SLC7A7: variants seen among roughly 807,000 people sequenced by gnomAD.
The protein encoded by SLC7A7 is solute carrier family 7 member 7.
SLC7A7 carries 39 observed loss-of-function variants against 47.9 expected under a neutral mutation model. The observed-to-expected ratio is 0.81, with a 90% CI of 0.63 to 1.06. The LOEUF (loss-of-function observed/expected upper bound fraction) is 1.06, where lower values mean the gene tolerates loss of function less well. Among genes scored for constraint, SLC7A7 ranks in the 50% least tolerant of loss-of-function variants. The pLI is 0.00. For synonymous variants in SLC7A7, 234 were observed against 242.8 expected, an observed-to-expected ratio of 0.96 and a Z score of 0.34; for missense variants, 588 against 632.0, an observed-to-expected ratio of 0.93 and a Z score of 0.75.
chr14:22,805,870 C>T (rs190479237), intron 2 of SLC7A7, among the ~76,000 whole-genome samples: 44 of 152,064 alleles, frequency 2.9e-4, no homozygotes, highest in Middle Eastern at 3.2e-3. Flanking sequence ...AGGCCGAGGG[C>T]GGTGGCTCAC....
intron 2 of SLC7A7, among the ~76,000 whole-genome samples, chr14:22,812,112 A>G (rs2039318318): frequency 6.6e-6 from 1 of 152,196 alleles, no homozygotes; most frequent in Admixed American, 6.6e-5. Flanking sequence ...GTAGAATTAC[A>G]TGTAGACTAG....
At chr14:22,776,420 G>A in intron 4 of SLC7A7, 102 bp from the exon 5 acceptor site, 1 of 1,449,790 alleles carries the variant, frequency 6.9e-7, no homozygotes, top group South Asian at 1.2e-5. Flanking sequence ...TTCCAGGGAT[G>A]GAGACTGTTG....
chr14:22,775,723 G>A, intron 6 of SLC7A7, 110 bp downstream of exon 6: 1 of 945,488 alleles, frequency 1.1e-6, no homozygotes, highest in Non-Finnish European at 1.7e-6. Context: ...AGAAGAAAGA[G>A]GTTGTGGTAT....
intron 2 of SLC7A7, among the ~76,000 whole-genome samples, chr14:22,809,841 G>T (rs1044705111): frequency 3.3e-5 from 5 of 151,896 alleles, no homozygotes; most frequent in Non-Finnish European, 5.9e-5. Context: ...CAGAAAATTG[G>T]CCAGGTGCAG....
At chr14:22,810,833 C>G (rs1352140702) in intron 2 of SLC7A7, among the ~76,000 whole-genome samples, 1 of 152,108 alleles carries the variant, frequency 6.6e-6, no homozygotes, top group African/African-American at 2.4e-5. Context: ...CAAAAATTAG[C>G]CAGGCGTGGT....
intron 8 of SLC7A7, 87 bp downstream of exon 8, chr14:22,774,267 T>C: frequency 1.2e-6 from 2 of 1,608,340 alleles, no homozygotes; most frequent in Non-Finnish European, 1.7e-6. Flanking sequence ...AGGCAAAGGT[T>C]TCTAAATAAA....
intron 2 of SLC7A7, among the ~76,000 whole-genome samples, chr14:22,807,729 T>C (rs2138645585): frequency 6.6e-6 from 1 of 152,274 alleles, no homozygotes; most frequent in South Asian, 2.1e-4. Context: ...ATTCTGTACC[T>C]TGCACCTCCA....
In SLC7A7 at chr14:22,773,962, T is replaced by G; in HGVS notation, c.1400A>C (p.Lys467Thr). 2 of 1,609,812 alleles carry G rather than the reference T, an allele frequency of 1.2e-6. No individual in the cohort carries two copies. The highest frequency in any genetic ancestry group is 8.5e-7 in the Non-Finnish European group (1 of 1,177,798). Residue 467 changes from lysine to threonine, a missense_variant, in exon 9 of 10, where the codon AAG (lysine) becomes ACG (threonine). By Grantham distance (78) the Lys-to-Thr change is moderately conservative. Transcript: ENST00000674313. Reference protein sequence around the residue: ...YFLIIRVPEHKRPLYLRRIVG... With the variant: ...YFLIIRVPEHTRPLYLRRIVG... ...GATCCTTCGGAGGTAAAGCGGTCGC[T>G]TATGTTCTGGCACTCTGATGATGAG...
At chr14:22,779,708 C>G (rs1177531216) in intron 3 of SLC7A7, among the ~76,000 whole-genome samples, 1 of 152,112 alleles carries the variant, frequency 6.6e-6, no homozygotes, top group Non-Finnish European at 1.5e-5. Context: ...CCCGCGATGG[C>G]CTCCCAAAGT....
At position 22,774,000 on chromosome 14, in the gene SLC7A7, C is replaced by G. The variant is rs143853134; in HGVS notation, c.1362G>C (p.Leu454=). The part of the protein sequence containing the change: ...LIGIAIALSG[L]PFYFLIIRVP... ...CTCTGATGATGAGGAAGTAAAAGGGCAGGCCTGAGAGGGCAATGGCAATGC... is the reference window on the plus strand; with the variant it reads ...CTCTGATGATGAGGAAGTAAAAGGGGAGGCCTGAGAGGGCAATGGCAATGC... The change falls in exon 9 of 10, where the codon CTG becomes CTC. Residue 454 remains leucine (L), a synonymous_variant. Coordinates refer to ENST00000674313, the MANE Select transcript of SLC7A7 (RefSeq NM_003982.4). The G allele has an allele frequency of 1.8e-5, 29 of 1,614,126 alleles. No homozygotes were observed. In the African/African-American group the frequency reaches 2.0e-4, roughly 11 times the overall value.
intron 2 of SLC7A7, among the ~76,000 whole-genome samples, chr14:22,806,106 G>A (rs1330163756): frequency 2.9e-5 from 3 of 104,268 alleles, no homozygotes; most frequent in East Asian, 6.2e-4. Context: ...CTGACATAGC[G>A]AGACTCTGTC....
intron 2 of SLC7A7, among the ~76,000 whole-genome samples, chr14:22,809,335 C>A (rs534314876): frequency 6.7e-6 from 1 of 149,442 alleles, no homozygotes; most frequent in East Asian, 2.0e-4. Context: ...CCCACCACCA[C>A]ACCCAGCTTT....
Position 22,815,390 on chromosome 14 carries a change from G to A in SLC7A7, c.-113C>T. 1 of 454,556 alleles carries A rather than the reference G, an allele frequency of 2.2e-6. No individual in the cohort carries two copies. The highest frequency in any genetic ancestry group is 4.4e-6 in the Non-Finnish European group (1 of 226,802). The allele number at this position is 454,556 out of a possible 1,614,324, so 28.2% of individuals were successfully genotyped here. A position where few individuals can be genotyped will look rare whatever the true frequency, so the allele number is the denominator to read the frequency against. On this transcript the variant is annotated 5_prime_UTR_variant, in exon 1 of 10. Coordinates refer to ENST00000674313, the MANE Select transcript of SLC7A7 (RefSeq NM_003982.4). ...CAGTCAGGGAGAGAAGTGCCTTCCA[G>A]GATCTGTGGTCTGATGCTCCTCCTT...
chr14:22,801,937 A>G (rs35431366), intron 2 of SLC7A7, among the ~76,000 whole-genome samples: 19,185 of 152,228 alleles, frequency 0.13, 1,378 homozygotes, highest in South Asian at 0.19. Flanking sequence ...TACTTGTTGA[A>G]TGTTTAATCT....
rs891530480 is a variant in SLC7A7 at position 22,810,713 on chromosome 14, C to T, written c.499+2187G>A. 5.3e-5 allele frequency among the ~76,000 whole-genome samples: 8 copies of T among 152,208 alleles called. 1 individual carries two copies. Among genetic ancestry groups the T allele is most frequent in the African/African-American group, 1.4e-4 (6 of 41,456 alleles). ...TCAGTGAAGGCTGGGCACAGTGGCT[C>T]ATGCCTGTAATCCCAGCACTTTGGG... On this transcript the variant is annotated intron_variant, in intron 2 of 9. Transcript: ENST00000674313.
intron 2 of SLC7A7, among the ~76,000 whole-genome samples, chr14:22,806,768 C>T (rs1485997406): frequency 6.6e-6 from 1 of 152,072 alleles, no homozygotes; most frequent in Non-Finnish European, 1.5e-5. Context: ...ATATGAGGAG[C>T]CACTGGAGGA....
intron 2 of SLC7A7, among the ~76,000 whole-genome samples, chr14:22,790,554 C>T (rs1473415951): frequency 6.6e-6 from 1 of 151,938 alleles, no homozygotes; most frequent in African/African-American, 2.4e-5. Context: ...ATAGCAGATC[C>T]TCAAACAAGT....
rs1566442536 is a variant in SLC7A7, at chr14:22,778,855, C to A, written c.708G>T (p.Leu236=). Residue 236 remains leucine, a synonymous_variant, in exon 4 of 10, where the codon CTG becomes CTT. Transcript: ENST00000674313. ...GGGTGTCCCAGCCTGAGTAGGAGAA[C>A]AGAGCTGAGTACAGTGCCAGGGCAA... ...GDIALALYSA[L]FSYSGWDTLN... 1 of 1,614,180 alleles carries A rather than the reference C, an allele frequency of 6.2e-7. No individual in the cohort carries two copies. The highest frequency in any genetic ancestry group is 8.5e-7 in the Non-Finnish European group (1 of 1,180,040).
At chr14:22,774,603 CAA>C in intron 7 of SLC7A7, 100 bp from the exon 8 acceptor site, 2 of 1,490,206 alleles carry the variant, frequency 1.3e-6, no homozygotes, top group East Asian at 2.3e-5. Context: ...TGTCAATCCT[CAA>C]AGTCTCCTGG....
Sources: allele counts gnomAD v4.1 joint callset (sites outside exome capture counted in the v4.1 genomes callset), GRCh38; gene constraint gnomAD v4.1.1; transcripts MANE v1.5; gene names NCBI Gene and HGNC (gene_info 2026-07-23, HGNC 2026-07-21).